The following NCEH1 variants were observed in gnomAD, a reference collection of about 807,000 sequenced individuals.
NCEH1 encodes 2-acetyl MAGE hydrolase.
A neutral mutation model predicts 25.4 loss-of-function variants in NCEH1; 9 were observed. The observed-to-expected ratio is 0.35, with a 90% CI of 0.21 to 0.62. The LOEUF (loss-of-function observed/expected upper bound fraction) is 0.62. Ranked by LOEUF, NCEH1 falls within the 20% of genes least tolerant of loss-of-function variation. The probability of loss-of-function intolerance (pLI) is 0.72; values close to 1 mark genes in which losing one functional copy is unlikely to be tolerated. For synonymous variants in NCEH1, 200 were observed against 199.8 expected, an observed-to-expected ratio of 1.00 and a Z score of -0.01; for missense variants, 412 against 501.1, an observed-to-expected ratio of 0.82 and a Z score of 1.70.
chr3:172,635,970 A>C lies in NCEH1; in HGVS notation c.555T>G (p.Ile185Met). The C allele has an allele frequency of 6.2e-7, 1 of 1,614,194 alleles. No homozygotes were observed. Among genetic ancestry groups the C allele is most frequent in the Non-Finnish European group, 8.5e-7 (1 of 1,180,044 alleles). ...CACCAGCACTGTCACCAGAAATGCA[A>C]ATTCTGCCTGGATCAACCATATACT... ...LQKYMVDPGR[I>M]CISGDSAGGN... Residue 185 changes from isoleucine (I) to methionine (M), a missense_variant, in exon 4 of 5, where the codon ATT becomes ATG. This residue lies in a region of NCEH1 where 24 missense variants were observed against 53.8 expected (regional missense o/e 0.45). Coordinates refer to ENST00000475381, the MANE Select transcript of NCEH1 (RefSeq NM_020792.6).
At chr3:172,661,496 T>TC (rs774278799) in intron 1 of NCEH1, among the ~76,000 whole-genome samples, 15 of 152,220 alleles carry the variant, frequency 9.9e-5, no homozygotes, top group Non-Finnish European at 1.6e-4. Context: ...AGTATTTTTT[T>TC]CCAATTCTGT....
chr3:172,663,809 G>A (rs911864864), intron 1 of NCEH1, among the ~76,000 whole-genome samples: 3 of 151,834 alleles, frequency 2.0e-5, no homozygotes, highest in Non-Finnish European at 4.4e-5. Flanking sequence ...TTTTCCATTT[G>A]CTTGGTAGAT....
intron 1 of NCEH1, among the ~76,000 whole-genome samples, chr3:172,692,487 A>C (rs1713119560): frequency 6.6e-6 from 1 of 151,694 alleles, no homozygotes; most frequent in Non-Finnish European, 1.5e-5. Flanking sequence ...CCTTGCAAGT[A>C]GCTGGGACCA....
intron 1 of NCEH1, among the ~76,000 whole-genome samples, chr3:172,651,369 T>C (rs891561447): frequency 1.3e-5 from 2 of 151,448 alleles, no homozygotes; most frequent in Non-Finnish European, 2.9e-5. Flanking sequence ...ATTACCTAAC[T>C]TTTTTTTTAC....
Position 172,710,804 on chromosome 3 carries a change from CG to C in NCEH1, c.138+42del, listed in dbSNP as rs775562896. On this transcript the variant is annotated intron_variant, in intron 1 of 4. Transcript: ENST00000475381. ...AATTTTGTATCCCCTTCAAATATTG[CG>C]TAAGAGGAGGAAGAGAGAAGCAGCG... 1.9e-6 allele frequency: 3 copies of C among 1,606,114 alleles called. No individual in the cohort carries two copies. In the South Asian group the frequency reaches 3.3e-5, roughly 18 times the overall value.
chr3:172,696,251 G>A (rs1346368393), intron 1 of NCEH1, among the ~76,000 whole-genome samples: 2 of 151,942 alleles, frequency 1.3e-5, no homozygotes, highest in African/African-American at 2.4e-5. Flanking sequence ...CTAAAGTCAG[G>A]ATTTAAACCT....
intron 1 of NCEH1, among the ~76,000 whole-genome samples, chr3:172,669,614 G>A (rs1711510241): frequency 6.6e-6 from 1 of 152,178 alleles, no homozygotes. Context: ...TCGGCTCACT[G>A]CAACCTCCGC....
intron 1 of NCEH1, among the ~76,000 whole-genome samples, chr3:172,684,046 T>C (rs1712555510): frequency 6.6e-6 from 1 of 152,232 alleles, no homozygotes; most frequent in Admixed American, 6.5e-5. Context: ...AATAAGATTA[T>C]TAAATAAAAA....
intron 1 of NCEH1, among the ~76,000 whole-genome samples, chr3:172,674,367 C>T (rs917534897): frequency 5.4e-5 from 8 of 148,918 alleles, no homozygotes; most frequent in African/African-American, 7.4e-5. Flanking sequence ...CGCTTGAACC[C>T]GGGAGGCGGA....
intron 1 of NCEH1, among the ~76,000 whole-genome samples, chr3:172,679,125 AAAGGAAGGAGG>A (rs952820909): frequency 4.6e-5 from 7 of 152,296 alleles, no homozygotes; most frequent in South Asian, 4.1e-4. Flanking sequence ...ACAGGAGAAC[AAAGGAAGGAGG>A]AAGGAAGGAG....
At chr3:172,667,623 G>A (rs146835293) in intron 1 of NCEH1, among the ~76,000 whole-genome samples, 116 of 152,200 alleles carry the variant, frequency 7.6e-4, no homozygotes, top group Non-Finnish European at 7.2e-4. Context: ...GAAAACAGTC[G>A]AACACTCCCT....
chr3:172,690,967 T>TTTTTTTTTTTTTTTTTTTTTTTG (rs1713001010), intron 1 of NCEH1, among the ~76,000 whole-genome samples: 1 of 152,144 alleles, frequency 6.6e-6, no homozygotes, highest in African/African-American at 2.4e-5. Flanking sequence ...GGGAAATTTT[T>TTTTTTTTTTTTTTTTTTTTTTTG]AAAGCAGCTA....
intron 1 of NCEH1, among the ~76,000 whole-genome samples, chr3:172,682,715 T>C (rs1248427504): frequency 6.6e-6 from 1 of 152,210 alleles, no homozygotes; most frequent in Admixed American, 6.5e-5. Flanking sequence ...CTTAGTAGTG[T>C]CTATTTAGGA....
At chr3:172,676,871 T>TACTC (rs1445210861) in intron 1 of NCEH1, among the ~76,000 whole-genome samples, 3 of 152,100 alleles carry the variant, frequency 2.0e-5, no homozygotes, top group African/African-American at 7.2e-5. Flanking sequence ...ATTAAGTTTA[T>TACTC]ACTCACATCT....
chr3:172,642,472 G>A (rs1236059242), intron 3 of NCEH1, among the ~76,000 whole-genome samples: 2 of 151,838 alleles, frequency 1.3e-5, no homozygotes, highest in Non-Finnish European at 2.9e-5. Flanking sequence ...CACTACACCA[G>A]GCCTGAACAT....
intron 3 of NCEH1, among the ~76,000 whole-genome samples, chr3:172,637,929 C>T (rs1397625448): frequency 2.0e-5 from 3 of 151,312 alleles, no homozygotes; most frequent in Non-Finnish European, 2.9e-5. Context: ...CACCTGTAAT[C>T]CCAGCTAGTT....
chr3:172,643,943 T>TTC (rs1410009501), intron 3 of NCEH1, among the ~76,000 whole-genome samples: 1 of 152,202 alleles, frequency 6.6e-6, no homozygotes, highest in Non-Finnish European at 1.5e-5. Context: ...CCCAAATCAT[T>TTC]TCCTTGAAGG....
intron 3 of NCEH1, among the ~76,000 whole-genome samples, chr3:172,642,320 T>G (rs1319954934): frequency 6.6e-6 from 1 of 152,062 alleles, no homozygotes; most frequent in Non-Finnish European, 1.5e-5. Context: ...ACTACAGGCA[T>G]GCACCACCAT....
chr3:172,666,442 CT>C (rs751972287), intron 1 of NCEH1, among the ~76,000 whole-genome samples: 11 of 152,218 alleles, frequency 7.2e-5, no homozygotes, highest in Admixed American at 1.3e-4. Context: ...TAAGCAACCA[CT>C]TTTCTGCCAC....
Sources: gnomAD v4.1 joint callset for allele counts (sites outside exome capture counted in the v4.1 genomes callset) on GRCh38, gnomAD v4.1.1 for gene constraint, gnomAD v4.1.1 regional missense constraint, MANE v1.5 for transcripts, NCBI Gene and HGNC (gene_info 2026-07-23, HGNC 2026-07-21) for gene names.